The following ALK variants were observed in gnomAD, a reference collection of about 807,000 sequenced individuals.
The protein encoded by ALK is ALK tyrosine kinase receptor.
ALK carries 74 observed loss-of-function variants against 163.1 expected under a neutral mutation model. The ratio of observed to expected loss-of-function variants is 0.45; its 90% CI spans 0.38 to 0.55. The LOEUF (loss-of-function observed/expected upper bound fraction) is 0.55, where lower values mean the gene tolerates loss of function less well. Among genes scored for constraint, ALK ranks in the 20% least tolerant of loss-of-function variants. The pLI is 0.00. For missense variants in ALK, 2,063 were observed against 2,105.3 expected (o/e 0.98, Z 0.39); for synonymous variants, 960 against 843.2 (o/e 1.14, Z -2.40).
At chr2:29,195,289 T>C (rs1356922913) in intron 28 of ALK, among the ~76,000 whole-genome samples, 3 of 152,206 alleles carry the variant, frequency 2.0e-5, no homozygotes, top group African/African-American at 7.2e-5. Context: ...TAAACAGAGT[T>C]CTCTGAAAGA....
At chr2:29,631,690 G>C (rs1009291159) in intron 3 of ALK, among the ~76,000 whole-genome samples, 1 of 152,248 alleles carries the variant, frequency 6.6e-6, no homozygotes, top group South Asian at 2.1e-4. Flanking sequence ...GAATGTGAAG[G>C]TTTTCTGAAA....
intron 11 of ALK, among the ~76,000 whole-genome samples, chr2:29,255,995 G>A (rs969362422): frequency 6.6e-6 from 1 of 152,176 alleles, no homozygotes; most frequent in Non-Finnish European, 1.5e-5. Flanking sequence ...AGGTAGGGTA[G>A]ACATGAGATC....
At chr2:29,665,876 T>C (rs1237584325) in intron 3 of ALK, among the ~76,000 whole-genome samples, 1 of 152,126 alleles carries the variant, frequency 6.6e-6, no homozygotes, top group Non-Finnish European at 1.5e-5. Context: ...TGAATTTCAC[T>C]TACGTAAGAT....
chr2:29,641,268 G>A (rs926742756), intron 3 of ALK, among the ~76,000 whole-genome samples: 1 of 152,128 alleles, frequency 6.6e-6, no homozygotes, highest in African/African-American at 2.4e-5. Context: ...TGACAAGAGT[G>A]GAGTCAGGGA....
chr2:29,882,716 G>A (rs1176409325), intron 1 of ALK, among the ~76,000 whole-genome samples: 2 of 152,154 alleles, frequency 1.3e-5, no homozygotes, highest in Admixed American at 6.5e-5. Flanking sequence ...TAATACCAAG[G>A]AGGCATCACT....
At chr2:29,440,509 G>T (rs373229036) in intron 4 of ALK, among the ~76,000 whole-genome samples, 1 of 151,982 alleles carries the variant, frequency 6.6e-6, no homozygotes, top group South Asian at 2.1e-4. Context: ...TAGAGACAGG[G>T]TTTCACCATG....
chr2:29,302,910 T>C (rs899871978), intron 8 of ALK, among the ~76,000 whole-genome samples: 4 of 152,096 alleles, frequency 2.6e-5, no homozygotes, highest in Non-Finnish European at 5.9e-5. Context: ...GACATCAAAC[T>C]ATAAAAATCC....
intron 8 of ALK, among the ~76,000 whole-genome samples, chr2:29,308,097 A>G (rs1666575158): frequency 6.6e-6 from 1 of 151,408 alleles, no homozygotes; most frequent in Non-Finnish European, 1.5e-5. Flanking sequence ...TTTTACAATG[A>G]ATATCTGACT....
Position 29,493,316 on chromosome 2 carries a change from C to G in ALK, c.1154+38599G>C, listed in dbSNP as rs531449943. ...ATCTCCAGTTGCCTTAATTACTCCG[C>G]TGTTTCAGGTCCTAATTTCGCCTCA... On this transcript the variant is annotated intron_variant, in intron 4 of 28. Transcript: ENST00000389048. Among the ~76,000 whole-genome samples the G allele has an allele frequency of 2.0e-5, 3 of 152,314 alleles. No individual in the cohort carries two copies. In the East Asian group the frequency reaches 5.8e-4, roughly 29 times the overall value.
chr2:29,352,408 A>C (rs543386197), intron 5 of ALK, among the ~76,000 whole-genome samples: 1 of 152,376 alleles, frequency 6.6e-6, no homozygotes, highest in African/African-American at 2.4e-5. Context: ...TCACGAAAGA[A>C]GTGCCCTGTG....
chr2:29,384,413 A>T (rs2148302255), intron 4 of ALK, among the ~76,000 whole-genome samples: 1 of 152,320 alleles, frequency 6.6e-6, no homozygotes, highest in Non-Finnish European at 1.5e-5. Flanking sequence ...TTGGGGTAAA[A>T]GGTACCTAAG....
intron 4 of ALK, among the ~76,000 whole-genome samples, chr2:29,497,979 ATAG>A (rs1200624395): frequency 3.9e-5 from 6 of 152,230 alleles, no homozygotes; most frequent in Admixed American, 2.0e-4. Flanking sequence ...ATAAGTAATA[ATAG>A]TAGAAGTCAA....
intron 11 of ALK, among the ~76,000 whole-genome samples, chr2:29,256,047 C>T (rs551224962): frequency 6.6e-6 from 1 of 152,338 alleles, no homozygotes; most frequent in African/African-American, 2.4e-5. Flanking sequence ...CATGAGAAGA[C>T]AGGCAGATGC....
intron 4 of ALK, among the ~76,000 whole-genome samples, chr2:29,508,561 G>A (rs929192169): frequency 1.3e-5 from 2 of 151,808 alleles, no homozygotes; most frequent in Non-Finnish European, 2.9e-5. Flanking sequence ...TGTGGGGAGC[G>A]GGAAGGGATA....
intron 1 of ALK, among the ~76,000 whole-genome samples, chr2:29,791,554 C>T (rs1006891620): frequency 2.0e-5 from 3 of 152,028 alleles, no homozygotes; most frequent in African/African-American, 7.3e-5. Context: ...GTGCAGCAAA[C>T]CACCATGGCA....
chr2:29,495,481 C>G lies in ALK; in HGVS notation c.1154+36434G>C, dbSNP rs920598612. ...CACGCCTTCCCCACTGAGGACTGGG[C>G]TAGTGATGGTTACTAGCCCTGGCAT... is the stretch of plus-strand genomic sequence containing the variant. On this transcript the variant is annotated intron_variant, in intron 4 of 28. Coordinates refer to ENST00000389048, the MANE Select transcript of ALK (RefSeq NM_004304.5). Among the ~76,000 whole-genome samples, 4 of 152,166 alleles carry G rather than the reference C, an allele frequency of 2.6e-5. No homozygotes were observed. The South Asian group carries it at 8.3e-4, about 32-fold the overall frequency.
chr2:29,586,995 G>C (rs11686243), intron 3 of ALK, among the ~76,000 whole-genome samples: 1 of 151,856 alleles, frequency 6.6e-6, no homozygotes, highest in Non-Finnish European at 1.5e-5. Flanking sequence ...GATGAGGTGG[G>C]TGTACCCTTA....
intron 1 of ALK, among the ~76,000 whole-genome samples, chr2:29,836,885 T>C (rs1284493516): frequency 6.6e-6 from 1 of 152,234 alleles, no homozygotes; most frequent in Non-Finnish European, 1.5e-5. Context: ...CTTTATGTGT[T>C]CTTTCACTTT....
chr2:29,790,156 A>C (rs1360946150), intron 1 of ALK, among the ~76,000 whole-genome samples: 1 of 152,018 alleles, frequency 6.6e-6, no homozygotes, highest in Non-Finnish European at 1.5e-5. Context: ...ATGCAGCTAA[A>C]GCATGATTAC....
Sources: allele counts gnomAD v4.1 joint callset (sites outside exome capture counted in the v4.1 genomes callset), GRCh38; gene constraint gnomAD v4.1.1; transcripts MANE v1.5; gene names NCBI Gene and HGNC (gene_info 2026-07-23, HGNC 2026-07-21).